Variants in CFAP54 observed in about 807,000 individuals in gnomAD.
The protein encoded by CFAP54 is cilia- and flagella-associated protein 54.
A neutral mutation model predicts 370.4 loss-of-function variants in CFAP54; 290 were observed. That is an observed-to-expected ratio of 0.78 (90% confidence interval 0.71 to 0.86). The LOEUF is 0.86. CFAP54 is among the 40% of genes least tolerant of loss of function. CFAP54 has a pLI of 0.00. For synonymous variants in CFAP54, 1,206 were observed against 1,236.5 expected (o/e 0.98, Z 0.52); for missense variants, 3,399 against 3,528.7 (o/e 0.96, Z 0.93).
At chr12:96,754,238 G>T (rs1250595432) in intron 56 of CFAP54, among the ~76,000 whole-genome samples, 1 of 152,000 alleles carries the variant, frequency 6.6e-6, no homozygotes, top group Non-Finnish European at 1.5e-5. Context: ...CATTTTTTCT[G>T]CATCATTTCA....
chr12:96,595,788 C>T (rs181682886), intron 25 of CFAP54, among the ~76,000 whole-genome samples: 4 of 152,140 alleles, frequency 2.6e-5, no homozygotes, highest in South Asian at 2.1e-4. Flanking sequence ...CCAAAGGTGC[C>T]GACCTGGTAT....
At chr12:96,797,122 C>T (rs771509125) in intron 63 of CFAP54, among the ~76,000 whole-genome samples, 1 of 152,050 alleles carries the variant, frequency 6.6e-6, no homozygotes, top group African/African-American at 2.4e-5. Context: ...TTCTAAAATT[C>T]CAAACTATGT....
chr12:96,813,990 A>G (rs1958952147), intron 64 of CFAP54, among the ~76,000 whole-genome samples: 1 of 152,212 alleles, frequency 6.6e-6, no homozygotes, highest in Non-Finnish European at 1.5e-5. Context: ...CCTCACACCA[A>G]GATTCAAGTC....
At chr12:96,563,393 A>G (rs1408556030) in intron 17 of CFAP54, among the ~76,000 whole-genome samples, 2 of 152,172 alleles carry the variant, frequency 1.3e-5, no homozygotes, top group Non-Finnish European at 2.9e-5. Flanking sequence ...CTACATTAGC[A>G]TTCTTATTCA....
intron 39 of CFAP54, among the ~76,000 whole-genome samples, chr12:96,669,949 A>T (rs567721335): frequency 6.6e-6 from 1 of 152,174 alleles, no homozygotes; most frequent in African/African-American, 2.4e-5. Context: ...AAGCTGCGTC[A>T]GTCAAAATAG....
chr12:96,616,609 G>T (rs1255022846), intron 26 of CFAP54, among the ~76,000 whole-genome samples: 4 of 152,174 alleles, frequency 2.6e-5, no homozygotes, highest in Non-Finnish European at 5.9e-5. Flanking sequence ...CAAATATTAG[G>T]TTGGGAAAAT....
chr12:96,856,393 A>G (rs559750468), intron 66 of CFAP54, among the ~76,000 whole-genome samples: 1 of 152,148 alleles, frequency 6.6e-6, no homozygotes, highest in African/African-American at 2.4e-5. Flanking sequence ...TCAGGCTGCA[A>G]ATTTTCCAAA....
At position 96,494,128 on chromosome 12, in the gene CFAP54, T is replaced by C. The variant is rs575215275; in HGVS notation, c.317+4202T>C. On this transcript the variant is annotated intron_variant, in intron 1 of 67. Coordinates refer to ENST00000524981, the MANE Select transcript of CFAP54 (RefSeq NM_001306084.2). The stretch of plus-strand genomic sequence containing the variant: ...GCAGGAAGATCCTTGGCAGAACAGA[T>C]CCATTCCTACTTCGGAGGAATGGAC... Among the ~76,000 whole-genome samples, 9 of 152,146 alleles carry C rather than the reference T, an allele frequency of 5.9e-5. No homozygotes were observed. In the East Asian group the frequency reaches 1.7e-3, roughly 29 times the overall value.
chr12:96,834,981 A>G (rs776555236), intron 66 of CFAP54, among the ~76,000 whole-genome samples: 17 of 152,144 alleles, frequency 1.1e-4, no homozygotes, highest in Non-Finnish European at 2.2e-4. Flanking sequence ...AGCTCCTAGC[A>G]GAGAGGAGAC....
chr12:96,840,589 G>T (rs1959205821), intron 66 of CFAP54, among the ~76,000 whole-genome samples: 1 of 149,174 alleles, frequency 6.7e-6, no homozygotes, highest in African/African-American at 2.5e-5. Context: ...TGGTTAAGTT[G>T]AGAGCTACAG....
intron 26 of CFAP54, among the ~76,000 whole-genome samples, chr12:96,616,915 GGAGATAAGACCTGAGGCAGAGAT>G (rs1375007638): frequency 6.6e-6 from 1 of 152,134 alleles, no homozygotes; most frequent in African/African-American, 2.4e-5. Flanking sequence ...AATAATTAGA[GGAGATAAGACCTGAGGCAGAGAT>G]GAGTTCAGAG....
chr12:96,838,883 G>A (rs1959194992), intron 66 of CFAP54, among the ~76,000 whole-genome samples: 1 of 152,212 alleles, frequency 6.6e-6, no homozygotes, highest in South Asian at 2.1e-4. Flanking sequence ...AATGAAGTGG[G>A]CCAGGTGACA....
In CFAP54 at chr12:96,615,787, G is replaced by A. The variant is rs1419410866; in HGVS notation, c.3640-5803G>A. ...ATGCTCATCATCACTGGCCATCAGA[G>A]AAATGCAAATCAAAACCACAATGAG... On this transcript the variant is annotated intron_variant, in intron 26 of 67. Coordinates refer to ENST00000524981, the MANE Select transcript of CFAP54 (RefSeq NM_001306084.2). Among the ~76,000 whole-genome samples, 23 of 152,304 alleles carry A rather than the reference G, an allele frequency of 1.5e-4. No individual in the cohort carries two copies. In the East Asian group the frequency reaches 2.1e-3, roughly 14 times the overall value.
intron 39 of CFAP54, among the ~76,000 whole-genome samples, chr12:96,678,246 C>G (rs1050445238): frequency 6.6e-6 from 1 of 152,024 alleles, no homozygotes; most frequent in African/African-American, 2.4e-5. Flanking sequence ...TTCTATACCC[C>G]TTCGTTTTTG....
intron 19 of CFAP54, among the ~76,000 whole-genome samples, chr12:96,569,305 G>A (rs1955890371): frequency 6.6e-6 from 1 of 152,160 alleles, no homozygotes; most frequent in Admixed American, 6.5e-5. Flanking sequence ...GTCCTCAAGA[G>A]GAAAACTAAT....
At chr12:96,671,202 C>A (rs561847061) in intron 39 of CFAP54, among the ~76,000 whole-genome samples, 1 of 152,220 alleles carries the variant, frequency 6.6e-6, no homozygotes, top group African/African-American at 2.4e-5. Flanking sequence ...GAACACCTGA[C>A]CTCAAGTGAT....
intron 27 of CFAP54, among the ~76,000 whole-genome samples, chr12:96,622,807 A>G (rs1430191779): frequency 1.3e-5 from 2 of 152,232 alleles, no homozygotes; most frequent in Admixed American, 6.5e-5. Flanking sequence ...TTGTTTGCCA[A>G]AAAAACTTTT....
intron 33 of CFAP54, chr12:96,645,829 GACAAAA>G (rs907248319): frequency 6.6e-6 from 1 of 151,798 alleles, no homozygotes; most frequent in Non-Finnish European, 1.5e-5. Context: ...TGACAAACCT[GACAAAA>G]ACAAAAAATG....
intron 60 of CFAP54, among the ~76,000 whole-genome samples, chr12:96,781,552 A>T (rs1371440127): frequency 6.6e-6 from 1 of 152,150 alleles, no homozygotes; most frequent in South Asian, 2.1e-4. Context: ...TGGGTATAGA[A>T]CAGAATGTAA....
Sources: allele counts gnomAD v4.1 joint callset (sites outside exome capture counted in the v4.1 genomes callset), GRCh38; gene constraint gnomAD v4.1.1; transcripts MANE v1.5; gene names NCBI Gene and HGNC (gene_info 2026-07-23, HGNC 2026-07-21).